AMOTL2: variants seen among roughly 807,000 people sequenced by gnomAD.
AMOTL2 encodes the protein angiomotin-like protein 2.
A neutral mutation model predicts 78.4 loss-of-function variants in AMOTL2; 33 were observed. That is an observed-to-expected ratio of 0.42 (90% CI 0.32 to 0.56). The LOEUF is 0.56. Among genes scored for constraint, AMOTL2 ranks in the 20% least tolerant of loss-of-function variants. The pLI is 0.12. For synonymous variants in AMOTL2, 422 were observed against 428.8 expected (o/e 0.98, Z 0.20); for missense variants, 983 against 1,030.1 (o/e 0.95, Z 0.63).
At chr3:134,359,743 C>T (rs2017264880) in intron 7 of AMOTL2, among the ~76,000 whole-genome samples, 1 of 152,204 alleles carries the variant, frequency 6.6e-6, no homozygotes, top group Non-Finnish European at 1.5e-5. Context: ...GCCCTGGGCC[C>T]TTCTCACACC....
At chr3:134,366,493 C>T in intron 3 of AMOTL2, 66 bp from the exon 4 acceptor site, 2 of 1,507,308 alleles carry the variant, frequency 1.3e-6, no homozygotes, top group Non-Finnish European at 1.8e-6. Flanking sequence ...CGAGGCTGAC[C>T]CACTACTCTC....
At chr3:134,367,270 G>A (rs941678594) in intron 3 of AMOTL2, among the ~76,000 whole-genome samples, 1 of 152,166 alleles carries the variant, frequency 6.6e-6, no homozygotes, top group Non-Finnish European at 1.5e-5. Context: ...GCCAGCAACT[G>A]TTCATGCTCC....
intron 9 of AMOTL2, 134 bp from the exon 10 acceptor site, chr3:134,357,897 C>G: frequency 1.1e-6 from 1 of 890,610 alleles, no homozygotes. Flanking sequence ...TCCCAGAACT[C>G]GGCCAACCAA....
intron 6 of AMOTL2, 61 bp downstream of exon 6, chr3:134,361,450 GA>G (rs1268393000): frequency 6.7e-7 from 1 of 1,494,066 alleles, no homozygotes; most frequent in Admixed American, 2.1e-5. Flanking sequence ...TACAGTCCCC[GA>G]GGAGGAAGGG....
At chr3:134,374,676 G>C, upstream of AMOTL2, 1 of 981,908 alleles carries the variant, frequency 1.0e-6, no homozygotes, top group Non-Finnish European at 1.2e-6. Context: ...CGGCCCCCGA[G>C]CTCCGTTCCT....
At chr3:134,369,795 G>C (rs550456433) in intron 2 of AMOTL2, among the ~76,000 whole-genome samples, 3 of 152,184 alleles carry the variant, frequency 2.0e-5, no homozygotes, top group Admixed American at 6.5e-5. Context: ...ACTCCCATAG[G>C]GGGAGATGCA....
At chr3:134,374,738 T>C, upstream of AMOTL2, 1 of 988,780 alleles carries the variant, frequency 1.0e-6, no homozygotes, top group Non-Finnish European at 1.2e-6. Flanking sequence ...CCCCATGCTT[T>C]GCCTTCGGAG....
In AMOTL2 at chr3:134,370,846, C is replaced by T. The variant is rs200498719; in HGVS notation, c.588G>A (p.Leu196=). 6.3e-7 allele frequency: 1 copy of T among 1,599,366 alleles called. No individual in the cohort carries two copies. Among genetic ancestry groups the T allele is most frequent in the African/African-American group, 1.3e-5 (1 of 74,618 alleles). The change falls in exon 2 of 10, where the codon CTG becomes CTA. Residue 196 remains leucine, a synonymous_variant. Coordinates refer to ENST00000249883, the MANE Select transcript of AMOTL2 (RefSeq NM_016201.4). ...QLARNQQGPP[L]RGPPAEGPES... Reference sequence around the variant, plus strand: ...CTGGGCCCTCAGCAGGGGGGCCCCTCAGTGGGGGGCCCTGCTGGTTGCGGG... The same window carrying T: ...CTGGGCCCTCAGCAGGGGGGCCCCTTAGTGGGGGGCCCTGCTGGTTGCGGG...
Position 134,357,761 on chromosome 3 carries a change from A to G in AMOTL2, c.2287T>C (p.Ser763Pro). The G allele has an allele frequency of 6.2e-7, 1 of 1,614,088 alleles. No homozygotes were observed. Among genetic ancestry groups the G allele is most frequent in the Non-Finnish European group, 8.5e-7 (1 of 1,179,936 alleles). Residue 763 changes from serine to proline, a missense_variant and splice_region_variant, in exon 10 of 10, where the codon TCT becomes CCT. By Grantham distance (74) the Ser-to-Pro change is moderately conservative. Coordinates refer to ENST00000249883, the MANE Select transcript of AMOTL2 (RefSeq NM_016201.4). ...TCCTGGACTCTGGATGTAGCTACAG[A>G]GTCTGGAGACAGACAAGAACACAGG... Reference protein sequence around the residue: ...SSSQRAASLDSVATSRVQDLS... With the variant: ...SSSQRAASLDPVATSRVQDLS...
Position 134,361,509 on chromosome 3 carries a change from C to T in AMOTL2, c.1575+3G>A. The T allele has an allele frequency of 6.2e-7, 1 of 1,602,776 alleles. No individual in the cohort carries two copies. The highest frequency in any genetic ancestry group is 8.5e-7 in the Non-Finnish European group (1 of 1,173,496). On this transcript the variant is annotated splice_donor_region_variant and intron_variant, in intron 6 of 9. Transcript: ENST00000249883. ...CCCTAGCCTGGAGACTTTCTCAGCT[C>T]ACCTGCTGTGCACGCAGGGCCTTGA...
At position 134,355,659 on chromosome 3, in the gene AMOTL2, C is replaced by A. The variant is rs1390383637; in HGVS notation, c.*2046G>T. On this transcript the variant is annotated 3_prime_UTR_variant, in exon 10 of 10. Transcript: ENST00000249883. ...CCTCGGGAGGCTGCCATCTGCCAGG[C>A]CCTCCTTCCCCTCCCAGCCTTCAAG... Among the ~76,000 whole-genome samples the A allele has an allele frequency of 6.6e-6, 1 of 152,198 alleles. No homozygotes were observed. The highest frequency in any genetic ancestry group is 1.5e-5 in the Non-Finnish European group (1 of 68,034).
chr3:134,364,099 T>C (rs2017495254), intron 5 of AMOTL2, among the ~76,000 whole-genome samples: 1 of 152,128 alleles, frequency 6.6e-6, no homozygotes, highest in African/African-American at 2.4e-5. Flanking sequence ...GGGATGCGCC[T>C]TGGGCAGCGA....
At position 134,366,594 on chromosome 3, in the gene AMOTL2, GA is replaced by G. The variant is rs532249422; in HGVS notation, c.1042-168del. 3.5e-5 allele frequency: 23 copies of G among 662,018 alleles called. No individual in the cohort carries two copies. In the Admixed American group the frequency reaches 6.2e-4, roughly 18 times the overall value. The allele number at this position is 662,018 out of a possible 1,614,324, so 41.0% of individuals were successfully genotyped here. A position where few individuals can be genotyped will look rare whatever the true frequency, so the allele number is the denominator to read the frequency against. ...GATGGTCAGAAGCTTGTAGCCTCCGGAAGTAGAATAGACTGCTGGGACCAGC... is the reference window on the plus strand; with the variant it reads ...GATGGTCAGAAGCTTGTAGCCTCCGGAGTAGAATAGACTGCTGGGACCAGC... On this transcript the variant is annotated intron_variant, in intron 3 of 9. Coordinates refer to ENST00000249883, the MANE Select transcript of AMOTL2 (RefSeq NM_016201.4).
At chr3:134,366,501 C>A in intron 3 of AMOTL2, 74 bp from the exon 4 acceptor site, 1 of 1,489,660 alleles carries the variant, frequency 6.7e-7, no homozygotes, top group East Asian at 2.3e-5. Context: ...ACCCACTACT[C>A]TCCATCAGAA....
upstream of AMOTL2, chr3:134,374,491 C>G: frequency 1.0e-6 from 1 of 985,604 alleles, no homozygotes; most frequent in Non-Finnish European, 1.2e-6. Context: ...CGGCCCGCGC[C>G]GGAGGCGGCT....
upstream of AMOTL2, chr3:134,374,674 G>A (rs994790619): frequency 4.1e-6 from 4 of 982,056 alleles, no homozygotes; most frequent in Non-Finnish European, 4.8e-6. Flanking sequence ...CCCGGCCCCC[G>A]AGCTCCGTTC....
intron 9 of AMOTL2, 31 bp downstream of exon 9, chr3:134,358,509 C>T: frequency 6.2e-7 from 1 of 1,601,742 alleles, no homozygotes; most frequent in Non-Finnish European, 8.5e-7. Flanking sequence ...TCGGCCCTAC[C>T]TAGCACAGAA....
chr3:134,365,750 C>G, intron 5 of AMOTL2, 67 bp downstream of exon 5: 1 of 1,445,630 alleles, frequency 6.9e-7, no homozygotes, highest in Admixed American at 1.8e-5. Flanking sequence ...TCTTCCTAGT[C>G]CAGAGGGTGT....
At chr3:134,373,522 T>C in intron 1 of AMOTL2, 1 of 985,646 alleles carries the variant, frequency 1.0e-6, no homozygotes, top group Non-Finnish European at 1.2e-6. Context: ...GAACCTCTGC[T>C]GCACTCGCCC....
Sources: allele counts gnomAD v4.1 joint callset (sites outside exome capture counted in the v4.1 genomes callset), GRCh38; gene constraint gnomAD v4.1.1; transcripts MANE v1.5; gene names NCBI Gene and HGNC (gene_info 2026-07-23, HGNC 2026-07-21).